Variants in VPS11 observed in about 807,000 individuals in gnomAD.
The protein encoded by VPS11 is vacuolar protein sorting-associated protein 11 homolog.
In VPS11, 51 loss-of-function variants were observed where a neutral mutation model predicts 106.8. The observed-to-expected ratio is 0.48, with a 90% CI of 0.38 to 0.60. The LOEUF (loss-of-function observed/expected upper bound fraction) is 0.60, where lower values mean the gene tolerates loss of function less well. Ranked by LOEUF, VPS11 falls within the 20% of genes least tolerant of loss-of-function variation. The pLI is 0.00. For synonymous variants in VPS11, 453 were observed against 458.7 expected, an observed-to-expected ratio of 0.99 and a Z score of 0.16; for missense variants, 950 against 1,190.0, an observed-to-expected ratio of 0.80 and a Z score of 2.97.
chr11:119,077,093 G>A lies in VPS11; in HGVS notation c.1425+10G>A, dbSNP rs1565742401. On this transcript the variant is annotated intron_variant, in intron 8 of 15. Transcript: ENST00000621676. ...GGAGGAGTTCATCAAGGTGCAGGAT[G>A]TTGTTGGTGGGGAAGTCTTGGAGGC... The A allele has an allele frequency of 6.2e-7, 1 of 1,606,938 alleles. No individual in the cohort carries two copies. Among genetic ancestry groups the A allele is most frequent in the East Asian group, 2.2e-5 (1 of 44,654 alleles).
intron 11 of VPS11, 31 bp downstream of exon 11, chr11:119,078,365 G>C: frequency 6.2e-7 from 1 of 1,602,004 alleles, no homozygotes; most frequent in Non-Finnish European, 8.5e-7. Context: ...CAGGAGAAAA[G>C]ACAGTTCGTG....
At chr11:119,068,730 G>A (rs963572772) in intron 1 of VPS11, among the ~76,000 whole-genome samples, 2 of 151,082 alleles carry the variant, frequency 1.3e-5, no homozygotes, top group Non-Finnish European at 2.9e-5. Flanking sequence ...ACAGGAGTGA[G>A]CCATCGCGCC....
intron 7 of VPS11, among the ~76,000 whole-genome samples, chr11:119,075,222 G>A (rs568110252): frequency 9.1e-4 from 138 of 151,716 alleles, no homozygotes; most frequent in African/African-American, 3.0e-3. Flanking sequence ...AGCCGAGATC[G>A]CACCACTGCA....
rs1385033923 is a variant in VPS11 at position 119,081,329 on chromosome 11, G to A, written c.2661+15G>A. ...TCCAGCATCAGGTGGGGATGAGTGG[G>A]CTAGATGGGCCAGGGGATTCCCACT... On this transcript the variant is annotated intron_variant, in intron 15 of 15. Coordinates refer to ENST00000621676, the MANE Select transcript of VPS11 (RefSeq NM_021729.6). The A allele has an allele frequency of 1.2e-6, 2 of 1,613,764 alleles. No individual in the cohort carries two copies.
In VPS11 at chr11:119,081,754, A is replaced by G. The variant is rs1945861276; in HGVS notation, c.*131A>G. ...ACTCTCATCTAATGTCACAGCCCTC[A>G]GAACTAAAGCGGACTTTCTTTCCCT... is the stretch of plus-strand genomic sequence containing the variant. On this transcript the variant is annotated 3_prime_UTR_variant, in exon 16 of 16. Transcript: ENST00000621676. 7.9e-7 allele frequency: 1 copy of G among 1,259,990 alleles called. No homozygotes were observed. The highest frequency in any genetic ancestry group is 1.1e-6 in the Non-Finnish European group (1 of 928,992). The allele number at this position is 1,259,990 out of a possible 1,614,324, so 78.1% of individuals were successfully genotyped here. A position where few individuals can be genotyped will look rare whatever the true frequency, so the allele number is the denominator to read the frequency against.
At chr11:119,070,129 ATGGAGAAAGCTTGTCAC>A in intron 3 of VPS11, 88 bp from the exon 4 acceptor site, 7 of 1,167,762 alleles carry the variant, frequency 6.0e-6, no homozygotes, top group Non-Finnish European at 8.3e-6. Flanking sequence ...GGTTGGGTAT[ATGGAGAAAGCTTGTCAC>A]TTCTGAGTGC....
chr11:119,081,399 C>A (rs1057404023), intron 15 of VPS11, 60 bp from the exon 16 acceptor site: 7 of 1,611,438 alleles, frequency 4.3e-6, no homozygotes, highest in Middle Eastern at 1.6e-4. Flanking sequence ...ATCACCTCCT[C>A]ATTTAAGAAA....
At chr11:119,080,953 G>A (rs914628293) in intron 14 of VPS11, 139 bp from the exon 15 acceptor site, 126 of 744,042 alleles carry the variant, frequency 1.7e-4, no homozygotes, top group Middle Eastern at 3.9e-4. Context: ...CCCTTAAGGC[G>A]ATAAGAAGAG....
chr11:119,073,854 C>T lies in VPS11; in HGVS notation c.1141C>T (p.His381Tyr). 1 of 1,613,812 alleles carries T rather than the reference C, an allele frequency of 6.2e-7. No homozygotes were observed. The highest frequency in any genetic ancestry group is 8.5e-7 in the Non-Finnish European group (1 of 1,179,752). The part of the protein sequence containing the change: ...EMAINLAKSQ[H>Y]LDSDGLAQIF... ...GGCGATTAACCTTGCCAAGAGCCAG[C>T]ATCTGGACAGTGATGGGCTGGCCCA... The change falls in exon 7 of 16, where the codon CAT becomes TAT. Residue 381 changes from histidine to tyrosine, a missense_variant. This residue lies in a region of VPS11 where 435 missense variants were observed against 630.2 expected (regional missense o/e 0.69). Coordinates refer to ENST00000621676, the MANE Select transcript of VPS11 (RefSeq NM_021729.6).
intron 7 of VPS11, 135 bp from the exon 8 acceptor site, chr11:119,076,762 T>C (rs1319853053): frequency 3.9e-6 from 4 of 1,027,420 alleles, no homozygotes; most frequent in Admixed American, 2.2e-5. Flanking sequence ...TTGTTAGAAA[T>C]GTAGAATCTC....
intron 6 of VPS11, 149 bp downstream of exon 6, chr11:119,073,548 G>A: frequency 1.9e-6 from 2 of 1,071,186 alleles, no homozygotes; most frequent in Non-Finnish European, 2.6e-6. Context: ...AAGGTAAATG[G>A]CCTGGGATGG....
Position 119,071,783 on chromosome 11 carries a change from T to C in VPS11, c.824T>C (p.Ile275Thr), listed in dbSNP as rs1283507946. The C allele has an allele frequency of 5.6e-6, 9 of 1,613,846 alleles. No homozygotes were observed. The highest frequency in any genetic ancestry group is 2.7e-5 in the African/African-American group (2 of 74,890). Residue 275 changes from isoleucine (I) to threonine (T), a missense_variant, in exon 5 of 16, where the codon ATT becomes ACT. Coordinates refer to ENST00000621676, the MANE Select transcript of VPS11 (RefSeq NM_021729.6). ...TTCGCCTTTGAGGGCCATAAGCTCA[T>C]TGCCCACTGGTTTAGAGGCTACCTT... ...PCFAFEGHKL[I>T]AHWFRGYLII... is the part of the protein sequence containing the mutation.
chr11:119,080,690 A>G (rs1945819664), intron 14 of VPS11, among the ~76,000 whole-genome samples: 3 of 152,166 alleles, frequency 2.0e-5, no homozygotes, highest in Admixed American at 2.0e-4. Flanking sequence ...GTTTTGTAGT[A>G]TGTTAGGTGG....
rs1259132617 is a variant in VPS11, at chr11:119,078,581, A to G, written c.1940A>G (p.His647Arg). The stretch of plus-strand genomic sequence containing the variant: ...CCTCTCCAGGTCAAAGAGAAGCTTC[A>G]CGCAGAGGCCATTTCCCTGCTGAAG... ...EKDPQVKEKL[H>R]AEAISLLKSG... is the part of the protein sequence containing the mutation. The change falls in exon 12 of 16, where the codon CAC becomes CGC. Residue 647 changes from histidine (H) to arginine (R), a missense_variant. This residue lies in a region of VPS11 where 453 missense variants were observed against 514.6 expected (regional missense o/e 0.88). Coordinates refer to ENST00000621676, the MANE Select transcript of VPS11 (RefSeq NM_021729.6). 4.3e-6 allele frequency: 7 copies of G among 1,611,076 alleles called. No homozygotes were observed. In the Admixed American group the frequency reaches 1.2e-4, roughly 27 times the overall value.
intron 9 of VPS11, 83 bp downstream of exon 9, chr11:119,077,730 A>G (rs1303006879): frequency 6.5e-7 from 1 of 1,540,412 alleles, no homozygotes; most frequent in Non-Finnish European, 8.8e-7. Context: ...GGCTCAGGTG[A>G]TCCTCCCACC....
At chr11:119,069,606 A>C in intron 3 of VPS11, 29 bp downstream of exon 3, 2 of 1,613,766 alleles carry the variant, frequency 1.2e-6, no homozygotes, top group Non-Finnish European at 1.7e-6. Flanking sequence ...TAACCCTCCT[A>C]GATTTGTTAT....
In VPS11 at chr11:119,069,353, C is replaced by T. The variant is rs1711495969; in HGVS notation, c.336+9C>T. Reference sequence around the variant, plus strand: ...AGGGCATCAACCCCTTGGTGAGTCCCAGCAGGGAAATGGGAAAGATCCAGA... The same window carrying T: ...AGGGCATCAACCCCTTGGTGAGTCCTAGCAGGGAAATGGGAAAGATCCAGA... On this transcript the variant is annotated intron_variant, in intron 2 of 15. Coordinates refer to ENST00000621676, the MANE Select transcript of VPS11 (RefSeq NM_021729.6). 6.2e-7 allele frequency: 1 copy of T among 1,613,964 alleles called. No homozygotes were observed. Among genetic ancestry groups the T allele is most frequent in the Non-Finnish European group, 8.5e-7 (1 of 1,179,868 alleles).
Position 119,068,602 on chromosome 11 carries a change from A to G in VPS11, c.187+592A>G, listed in dbSNP as rs1238279193. Among the ~76,000 whole-genome samples, 6 of 151,544 alleles carry G rather than the reference A, an allele frequency of 4.0e-5. No homozygotes were observed. In the East Asian group the frequency reaches 7.7e-4, roughly 19 times the overall value. On this transcript the variant is annotated intron_variant, in intron 1 of 15. Coordinates refer to ENST00000621676, the MANE Select transcript of VPS11 (RefSeq NM_021729.6). ...GCTGGGACTACAGGCGCTTGCCACC[A>G]CACCCGGCTAATTTTTTACATTTTC... is the stretch of plus-strand genomic sequence containing the variant.
chr11:119,080,074 T>C (rs2134805720), intron 14 of VPS11, among the ~76,000 whole-genome samples: 1 of 152,318 alleles, frequency 6.6e-6, no homozygotes, highest in Non-Finnish European at 1.5e-5. Flanking sequence ...TTTTTTTTCT[T>C]TTGAGATAGA....
Sources: allele counts gnomAD v4.1 joint callset (sites outside exome capture counted in the v4.1 genomes callset), GRCh38; gene constraint gnomAD v4.1.1; regional missense constraint gnomAD v4.1.1; transcripts MANE v1.5; gene names NCBI Gene and HGNC (gene_info 2026-07-23, HGNC 2026-07-21).